Variants in SENP6 observed in about 807,000 individuals in gnomAD.
The protein encoded by SENP6 is sentrin-specific protease 6.
SENP6 carries 41 observed loss-of-function variants against 134.5 expected under a neutral mutation model. The ratio of observed to expected loss-of-function variants is 0.30; its 90% CI spans 0.24 to 0.40. The LOEUF (loss-of-function observed/expected upper bound fraction) is 0.40. Among genes scored for constraint, SENP6 ranks in the 10% least tolerant of loss-of-function variants. The pLI, the probability that SENP6 is intolerant of heterozygous loss-of-function variation, is 1.00. For missense variants in SENP6, 1,248 were observed against 1,312.5 expected, an observed-to-expected ratio of 0.95 and a Z score of 0.76; for synonymous variants, 395 against 429.8, an observed-to-expected ratio of 0.92 and a Z score of 1.00.
chr6:75,621,085 C>T (rs955983020), intron 1 of SENP6, among the ~76,000 whole-genome samples: 3 of 152,044 alleles, frequency 2.0e-5, no homozygotes, highest in Non-Finnish European at 4.4e-5. Flanking sequence ...TTGCCAAAAC[C>T]GAAAACGTTG....
At chr6:75,665,510 G>A (rs1324277690) in intron 9 of SENP6, among the ~76,000 whole-genome samples, 1 of 152,160 alleles carries the variant, frequency 6.6e-6, no homozygotes, top group Non-Finnish European at 1.5e-5. Context: ...CAAGGAGTTT[G>A]TATTTGACTC....
At chr6:75,694,737 T>A (rs1774535772) in intron 16 of SENP6, among the ~76,000 whole-genome samples, 1 of 152,250 alleles carries the variant, frequency 6.6e-6, no homozygotes, top group South Asian at 2.1e-4. Context: ...TTTCAGATAT[T>A]TCATTGTATA....
chr6:75,652,417 A>G (rs1385434946), intron 7 of SENP6, among the ~76,000 whole-genome samples: 1 of 152,030 alleles, frequency 6.6e-6, no homozygotes, highest in Non-Finnish European at 1.5e-5. Flanking sequence ...GACATTTAAA[A>G]TATTATTACT....
At position 75,692,218 on chromosome 6, in the gene SENP6, A is replaced by G. The variant is rs757210118; in HGVS notation, c.2076-3586A>G. 4.8e-4 allele frequency among the ~76,000 whole-genome samples: 73 copies of G among 152,194 alleles called. 1 individual carries two copies. The highest frequency in any genetic ancestry group is 4.1e-4 in the Non-Finnish European group (28 of 68,038). ...TAATTCTAAAATGAGAGATATGATT[A>G]TTATTTTAAAGTTAATAGTTGTGAC... On this transcript the variant is annotated intron_variant, in intron 16 of 23. Coordinates refer to ENST00000447266, the MANE Select transcript of SENP6 (RefSeq NM_015571.4).
At chr6:75,641,619 A>C (rs1043881199) in intron 6 of SENP6, among the ~76,000 whole-genome samples, 2 of 152,222 alleles carry the variant, frequency 1.3e-5, no homozygotes, top group Non-Finnish European at 2.9e-5. Context: ...TGTTTAAGAA[A>C]ACACACACAT....
At chr6:75,627,647 G>A (rs900484682) in intron 3 of SENP6, among the ~76,000 whole-genome samples, 1 of 152,092 alleles carries the variant, frequency 6.6e-6, no homozygotes, top group Non-Finnish European at 1.5e-5. Flanking sequence ...CTTATATAGG[G>A]CATTGGTCTT....
At chr6:75,618,536 C>G (rs1209887016) in intron 1 of SENP6, among the ~76,000 whole-genome samples, 1 of 152,102 alleles carries the variant, frequency 6.6e-6, no homozygotes, top group East Asian at 1.9e-4. Flanking sequence ...TTCTAGGAAC[C>G]CTGGCTCCTT....
At chr6:75,670,034 A>C (rs1772548380) in intron 10 of SENP6, among the ~76,000 whole-genome samples, 1 of 152,084 alleles carries the variant, frequency 6.6e-6, no homozygotes, top group African/African-American at 2.4e-5. Context: ...CCCAGGTTTA[A>C]GCAGTTCTCC....
At chr6:75,604,286 T>C (rs1766856766) in intron 1 of SENP6, among the ~76,000 whole-genome samples, 1 of 152,226 alleles carries the variant, frequency 6.6e-6, no homozygotes, top group Non-Finnish European at 1.5e-5. Flanking sequence ...TTTCACCATG[T>C]CTTAAGCATT....
chr6:75,647,913 G>C, intron 7 of SENP6, 112 bp downstream of exon 7: 1 of 670,856 alleles, frequency 1.5e-6, no homozygotes. Flanking sequence ...AGATATATAT[G>C]TAGAAAACCA....
At chr6:75,635,430 A>G (rs957376081) in intron 5 of SENP6, among the ~76,000 whole-genome samples, 53 of 152,168 alleles carry the variant, frequency 3.5e-4, no homozygotes, top group Non-Finnish European at 8.8e-5. Flanking sequence ...CCTTATAACT[A>G]GTAACATTTT....
At position 75,647,788 on chromosome 6, in the gene SENP6, G is replaced by A. The variant is rs34486264; in HGVS notation, c.537G>A (p.Arg179=). The A allele has an allele frequency of 1.2e-6, 2 of 1,612,228 alleles. No individual in the cohort carries two copies. Among genetic ancestry groups the A allele is most frequent in the Non-Finnish European group, 1.7e-6 (2 of 1,178,812 alleles). Residue 179 remains arginine (R), a synonymous_variant, in exon 7 of 24, where the codon CGG becomes CGA. Coordinates refer to ENST00000447266, the MANE Select transcript of SENP6 (RefSeq NM_015571.4). ...AAATTAATCCTGTAAGGTTAAGTCG[G>A]CTCCAAGGTGTTGGTAAGTGTGCAG... ...KVEINPVRLS[R]LQGVERIMKK...
At chr6:75,686,702 T>C (rs1773866190) in intron 16 of SENP6, among the ~76,000 whole-genome samples, 1 of 152,234 alleles carries the variant, frequency 6.6e-6, no homozygotes, top group Admixed American at 6.5e-5. Context: ...AATTCTTTCC[T>C]TTAAGAATGT....
chr6:75,618,962 G>A (rs1768055976), intron 1 of SENP6, among the ~76,000 whole-genome samples: 1 of 146,468 alleles, frequency 6.8e-6, no homozygotes, highest in Non-Finnish European at 1.5e-5. Flanking sequence ...GGCTTGCATT[G>A]AAGTTTTATA....
At chr6:75,664,240 A>G (rs1772014881) in intron 9 of SENP6, among the ~76,000 whole-genome samples, 1 of 151,922 alleles carries the variant, frequency 6.6e-6, no homozygotes. Context: ...AGCCAGGGCA[A>G]TATAGTAGGA....
chr6:75,687,890 A>G (rs1490120357), intron 16 of SENP6, among the ~76,000 whole-genome samples: 1 of 152,216 alleles, frequency 6.6e-6, no homozygotes, highest in Non-Finnish European at 1.5e-5. Flanking sequence ...GTCCGTTCTC[A>G]GAGCTCAGAT....
At chr6:75,698,196 A>C (rs895730711) in intron 18 of SENP6, among the ~76,000 whole-genome samples, 1 of 152,230 alleles carries the variant, frequency 6.6e-6, no homozygotes, top group African/African-American at 2.4e-5. Context: ...CTCTCAATAA[A>C]AGGATGTTTC....
intron 18 of SENP6, among the ~76,000 whole-genome samples, chr6:75,701,859 C>T (rs556823986): frequency 3.3e-5 from 5 of 152,038 alleles, no homozygotes; most frequent in Admixed American, 2.6e-4. Context: ...AGGCTGTTCT[C>T]GAACTCCTGA....
chr6:75,716,441 A>G lies in SENP6; in HGVS notation c.*847A>G, dbSNP rs1776024341. The G allele has an allele frequency of 6.6e-6, 1 of 152,014 alleles. No homozygotes were observed. Among genetic ancestry groups the G allele is most frequent in the Non-Finnish European group, 1.5e-5 (1 of 67,876 alleles). 9.4% of individuals were successfully genotyped at this position (152,014 alleles called of 1,614,324 possible). A position where few individuals can be genotyped will look rare whatever the true frequency, so the allele number is the denominator to read the frequency against. On this transcript the variant is annotated 3_prime_UTR_variant, in exon 24 of 24. Coordinates refer to ENST00000447266, the MANE Select transcript of SENP6 (RefSeq NM_015571.4). ...TTAATCTGTGTAAACACAGGAATTT[A>G]AATAGGAATTTACTATTTTTTTATA...
Sources: allele counts gnomAD v4.1 joint callset (sites outside exome capture counted in the v4.1 genomes callset), GRCh38; gene constraint gnomAD v4.1.1; transcripts MANE v1.5; gene names NCBI Gene and HGNC (gene_info 2026-07-23, HGNC 2026-07-21).